SLC24A2: variants seen among roughly 807,000 people sequenced by gnomAD.
SLC24A2 encodes the protein solute carrier family 24 member 2.
In SLC24A2, 36 loss-of-function variants were observed where a neutral mutation model predicts 62.0. The observed-to-expected ratio is 0.58, with a 90% CI of 0.44 to 0.77. The LOEUF (loss-of-function observed/expected upper bound fraction) is 0.77, where lower values mean the gene tolerates loss of function less well. SLC24A2 is among the 30% of genes least tolerant of loss of function. The pLI is 0.00. For missense variants in SLC24A2, 846 were observed against 817.9 expected, an observed-to-expected ratio of 1.03 and a Z score of -0.42; for synonymous variants, 358 against 294.0, an observed-to-expected ratio of 1.22 and a Z score of -2.23.
chr9:20,079,292 G>C, the SLC24A2 span, among the ~76,000 whole-genome samples: 120 of 152,044 alleles, frequency 7.9e-4, no homozygotes, highest in Non-Finnish European at 1.5e-3. Context: ...CAAAATTTAT[G>C]GTAATTTGTT....
chr9:19,967,466 CT>C, the SLC24A2 span: 4 of 152,234 alleles, frequency 2.6e-5, no homozygotes, highest in Admixed American at 1.3e-4. Context: ...ATTTTGCCCC[CT>C]ATCACTTTGC....
chr9:20,045,575 G>T, the SLC24A2 span, among the ~76,000 whole-genome samples: 1 of 152,062 alleles, frequency 6.6e-6, no homozygotes, highest in African/African-American at 2.4e-5. Context: ...AGGATTACAG[G>T]CGCCCGCTAC....
intron 2 of SLC24A2, among the ~76,000 whole-genome samples, chr9:19,694,425 A>G (rs1820127750): frequency 6.6e-6 from 1 of 152,190 alleles, no homozygotes; most frequent in Non-Finnish European, 1.5e-5. Flanking sequence ...GAGGAAAACA[A>G]AATATTTTTT....
chr9:20,087,968 C>T, the SLC24A2 span, among the ~76,000 whole-genome samples: 140 of 152,290 alleles, frequency 9.2e-4, 1 homozygote, highest in South Asian at 4.1e-3. Flanking sequence ...TCTTTGCAAC[C>T]CCAGGTCAGG....
In SLC24A2 at chr9:19,570,701, T is replaced by G. The variant is rs79234384; in HGVS notation, c.1347+2650A>C. The stretch of plus-strand genomic sequence containing the variant: ...TGTACATTATTTCATTTAACCCTTA[T>G]GATAGCTGCAATGAAGCAAGTACTG... On this transcript the variant is annotated intron_variant, in intron 7 of 10. Coordinates refer to ENST00000341998, the MANE Select transcript of SLC24A2 (RefSeq NM_020344.4). 7.1e-4 allele frequency among the ~76,000 whole-genome samples: 108 copies of G among 152,336 alleles called. 6 individuals carry two copies. The East Asian group carries it at 0.019, about 26-fold the overall frequency.
At chr9:20,249,840 G>T in the SLC24A2 span, among the ~76,000 whole-genome samples, 1 of 151,880 alleles carries the variant, frequency 6.6e-6, no homozygotes, top group South Asian at 2.1e-4. Context: ...AGCAGCTGAG[G>T]TGACTCCCAA....
intron 9 of SLC24A2, among the ~76,000 whole-genome samples, chr9:19,525,483 A>G (rs1833404071): frequency 7.3e-6 from 1 of 137,402 alleles, no homozygotes; most frequent in Admixed American, 8.5e-5. Context: ...GGCTCATTGC[A>G]GCCTTCACCT....
chr9:20,189,571 T>G, the SLC24A2 span, among the ~76,000 whole-genome samples: 4 of 152,218 alleles, frequency 2.6e-5, no homozygotes, highest in Admixed American at 2.6e-4. Context: ...CCTGACATTA[T>G]GATTCTTAAG....
At chr9:19,801,837 T>G in the SLC24A2 span, among the ~76,000 whole-genome samples, 3 of 149,584 alleles carry the variant, frequency 2.0e-5, no homozygotes, top group Admixed American at 1.3e-4. Context: ...ATAATCACTG[T>G]TTTTTTTTCT....
At chr9:19,775,825 T>A (rs1822829508) in intron 2 of SLC24A2, among the ~76,000 whole-genome samples, 1 of 151,156 alleles carries the variant, frequency 6.6e-6, no homozygotes, top group Non-Finnish European at 1.5e-5. Flanking sequence ...CTTCTCCTAT[T>A]CTTCACCTTG....
intron 8 of SLC24A2, among the ~76,000 whole-genome samples, chr9:19,549,272 C>T (rs548244752): frequency 3.3e-5 from 5 of 152,302 alleles, no homozygotes; most frequent in South Asian, 2.1e-4. Flanking sequence ...CAGAGACAAA[C>T]GCTGTGGGGG....
intron 2 of SLC24A2, among the ~76,000 whole-genome samples, chr9:19,718,218 G>A (rs1489608797): frequency 6.7e-5 from 10 of 148,950 alleles, no homozygotes; most frequent in African/African-American, 2.2e-4. Context: ...CTTGTGATCT[G>A]CCTGCCTTGG....
chr9:19,977,056 A>T, the SLC24A2 span, among the ~76,000 whole-genome samples: 1 of 152,192 alleles, frequency 6.6e-6, no homozygotes, highest in Non-Finnish European at 1.5e-5. Context: ...TTTTTTACAC[A>T]TAAAATAAGT....
At chr9:19,816,482 G>A in the SLC24A2 span, among the ~76,000 whole-genome samples, 2 of 152,094 alleles carry the variant, frequency 1.3e-5, no homozygotes, top group Non-Finnish European at 2.9e-5. Context: ...CACTGTGGAA[G>A]GGGACACATT....
intron 2 of SLC24A2, among the ~76,000 whole-genome samples, chr9:19,783,795 A>C (rs1434968056): frequency 6.6e-6 from 1 of 152,316 alleles, no homozygotes; most frequent in Admixed American, 6.5e-5. Flanking sequence ...TTTTTTGAGA[A>C]GTACAAAATA....
chr9:19,797,045 C>T, the SLC24A2 span, among the ~76,000 whole-genome samples: 2 of 152,052 alleles, frequency 1.3e-5, no homozygotes, highest in Non-Finnish European at 2.9e-5. Context: ...TCAACTTTGT[C>T]ATTTAACCCT....
chr9:20,290,660 G>C, the SLC24A2 span, among the ~76,000 whole-genome samples: 16 of 152,258 alleles, frequency 1.1e-4, no homozygotes, highest in African/African-American at 2.7e-4. Context: ...TGAGGGGAAA[G>C]AGCAGGGACA....
intron 3 of SLC24A2, among the ~76,000 whole-genome samples, chr9:19,621,109 C>T (rs1028611289): frequency 6.6e-6 from 1 of 152,242 alleles, no homozygotes; most frequent in South Asian, 2.1e-4. Context: ...TGTTTCCAAA[C>T]TATTATCCAT....
chr9:19,790,501 A>G (rs1478666456), upstream of SLC24A2, among the ~76,000 whole-genome samples: 1 of 147,570 alleles, frequency 6.8e-6, no homozygotes, highest in Non-Finnish European at 1.5e-5. Context: ...ATAGGCTGTC[A>G]CTGACCAAAG....
Sources: allele counts gnomAD v4.1 joint callset (sites outside exome capture counted in the v4.1 genomes callset), GRCh38; gene constraint gnomAD v4.1.1; transcripts MANE v1.5; gene names NCBI Gene and HGNC (gene_info 2026-07-23, HGNC 2026-07-21).